The following SHANK2 variants were observed in gnomAD, a reference collection of about 807,000 sequenced individuals.
The protein encoded by SHANK2 is SH3 and multiple ankyrin repeat domains protein 2.
In SHANK2, 43 loss-of-function variants were observed where a neutral mutation model predicts 133.7. That is an observed-to-expected ratio of 0.32 (90% CI 0.25 to 0.41). The LOEUF is 0.41. SHANK2 is among the 10% of genes least tolerant of loss of function. SHANK2 has a pLI of 1.00. For missense variants in SHANK2, 1,994 were observed against 2,235.8 expected (o/e 0.89, Z 2.18); for synonymous variants, 1,017 against 952.8 (o/e 1.07, Z -1.24).
intron 2 of SHANK2, among the ~76,000 whole-genome samples, chr11:71,194,502 G>C (rs782419651): frequency 6.6e-6 from 1 of 152,150 alleles, no homozygotes; most frequent in Non-Finnish European, 1.5e-5. Flanking sequence ...CCACCAAACA[G>C]GATGTTAACA....
At position 70,750,407 on chromosome 11, in the gene SHANK2, C is replaced by T. The variant is rs935921006; in HGVS notation, c.1777+48036G>A. 2.0e-4 allele frequency among the ~76,000 whole-genome samples: 30 copies of T among 152,240 alleles called. 1 individual carries two copies. Among genetic ancestry groups the T allele is most frequent in the Non-Finnish European group, 7.3e-5 (5 of 68,050 alleles). ...TAAAACTCTGGAGGAGGGGATCCTT[C>T]TTTCTGGCCAGAGGAGCTGTGGTCC... On this transcript the variant is annotated intron_variant, in intron 14 of 25. Transcript: ENST00000601538.
At position 71,208,981 on chromosome 11, in the gene SHANK2, C is replaced by A. The variant is rs1020829163; in HGVS notation, c.-13+15716G>T. 3.9e-5 allele frequency among the ~76,000 whole-genome samples: 6 copies of A among 152,172 alleles called. No individual in the cohort carries two copies. The East Asian group carries it at 1.2e-3, about 29-fold the overall frequency. ...AAAAGGCATCTGCAGAAGTAAGATGCACCGTCAGCCACTGTTCCTCACCAG... is the reference window on the plus strand; with the variant it reads ...AAAAGGCATCTGCAGAAGTAAGATGAACCGTCAGCCACTGTTCCTCACCAG... On this transcript the variant is annotated intron_variant, in intron 2 of 25. Coordinates refer to ENST00000601538, the MANE Select transcript of SHANK2 (RefSeq NM_012309.5).
chr11:71,066,099 T>G (rs1384134857), intron 9 of SHANK2, among the ~76,000 whole-genome samples: 249 of 6,098 alleles, frequency 0.041, no homozygotes, highest in Non-Finnish European at 0.044. Context: ...GTGGGGGGGG[T>G]GTGTGCAGAA....
rs986388375 is a variant in SHANK2, at chr11:70,830,397, G to A, written c.1175-9715C>T. Among the ~76,000 whole-genome samples, 1 of 152,154 alleles carries A rather than the reference G, an allele frequency of 6.6e-6. No individual in the cohort carries two copies. The highest frequency in any genetic ancestry group is 1.5e-5 in the Non-Finnish European group (1 of 68,030). On this transcript the variant is annotated intron_variant, in intron 11 of 25. Transcript: ENST00000601538. The surrounding 1 kb of genome is among the most constrained non-coding windows in gnomAD (Gnocchi z 4.4). ...CACACTTGGGGTTATTGCAGGAGAC[G>A]AGCTCACCCCTGAGCCCCAGGTAGA...
intron 10 of SHANK2, among the ~76,000 whole-genome samples, chr11:70,919,376 T>A (rs1950315837): frequency 6.6e-6 from 1 of 151,956 alleles, no homozygotes; most frequent in Non-Finnish European, 1.5e-5. Flanking sequence ...CTACTTCTTT[T>A]TTTTTTTTTA....
intron 11 of SHANK2, among the ~76,000 whole-genome samples, chr11:70,821,415 G>T (rs1236072078): frequency 6.6e-6 from 1 of 152,022 alleles, no homozygotes; most frequent in East Asian, 1.9e-4. Context: ...TAAATATCTG[G>T]TTGTTTTGTT....
At chr11:70,758,606 A>G (rs1946923605) in intron 14 of SHANK2, among the ~76,000 whole-genome samples, 1 of 152,206 alleles carries the variant, frequency 6.6e-6, no homozygotes, top group South Asian at 2.1e-4. Context: ...GTCAAGGAAC[A>G]AGAGGCTTGC....
rs148958312 is a variant in SHANK2 at position 70,620,755 on chromosome 11, G to T, written c.2061+39073C>A. Among the ~76,000 whole-genome samples, 227 of 152,264 alleles carry T rather than the reference G, an allele frequency of 1.5e-3. 1 individual carries two copies. The Middle Eastern group carries it at 0.027, about 18-fold the overall frequency. On this transcript the variant is annotated intron_variant, in intron 17 of 25. Transcript: ENST00000601538. ...AATGGGATTAGTGTCCTTATAAGAA[G>T]AAACTCCAGAGAGCTTGGTGGCACT... is the stretch of plus-strand genomic sequence containing the variant.
Position 70,901,029 on chromosome 11 carries a change from G to A in SHANK2, c.1108-4462C>T, listed in dbSNP as rs542345155. 6.0e-3 allele frequency among the ~76,000 whole-genome samples: 915 copies of A among 152,256 alleles called. 12 individuals are homozygous for A. Among genetic ancestry groups the A allele is most frequent in the African/African-American group, 0.021 (857 of 41,536 alleles). ...CACAGCCGAGGCTCAGGTGCCACACGCTGCTCTGAGTGAGTTCCCAGGAGC... is the reference window on the plus strand; with the variant it reads ...CACAGCCGAGGCTCAGGTGCCACACACTGCTCTGAGTGAGTTCCCAGGAGC... On this transcript the variant is annotated intron_variant, in intron 10 of 25. Transcript: ENST00000601538.
At chr11:70,539,561 A>C (rs2059590722) in intron 17 of SHANK2, among the ~76,000 whole-genome samples, 1 of 152,058 alleles carries the variant, frequency 6.6e-6, no homozygotes, top group Non-Finnish European at 1.5e-5. Flanking sequence ...CATACTCACC[A>C]CGCTCACTCA....
At chr11:70,835,933 G>A (rs1325400579) in intron 11 of SHANK2, among the ~76,000 whole-genome samples, 2 of 152,134 alleles carry the variant, frequency 1.3e-5, no homozygotes, top group African/African-American at 4.8e-5. Flanking sequence ...GGCTGGGGGA[G>A]TGGGCACCCC....
chr11:70,899,490 G>C (rs1167823296), intron 10 of SHANK2, among the ~76,000 whole-genome samples: 1 of 152,190 alleles, frequency 6.6e-6, no homozygotes, highest in Non-Finnish European at 1.5e-5. Flanking sequence ...ACTAAGATGT[G>C]GGGGAAGCCT....
At chr11:71,099,730 C>G (rs943180952) in intron 6 of SHANK2, among the ~76,000 whole-genome samples, 1 of 152,046 alleles carries the variant, frequency 6.6e-6, no homozygotes, top group African/African-American at 2.4e-5. Flanking sequence ...TGCTCCACAC[C>G]GTATGTCATT....
chr11:70,664,590 A>G (rs1591723989), intron 15 of SHANK2, among the ~76,000 whole-genome samples: 1 of 152,228 alleles, frequency 6.6e-6, no homozygotes, highest in Non-Finnish European at 1.5e-5. Flanking sequence ...GGAACCTGTC[A>G]TGCGCTCCAG....
chr11:71,113,081 G>A lies in SHANK2; in HGVS notation c.483+212C>T, dbSNP rs372907801. 3.1e-4 allele frequency among the ~76,000 whole-genome samples: 47 copies of A among 152,202 alleles called. No individual in the cohort carries two copies. The South Asian group carries it at 7.1e-3, about 23-fold the overall frequency. On this transcript the variant is annotated intron_variant, in intron 5 of 25. Transcript: ENST00000601538. ...CTGCCTCCCTTCCCCCAGCACCCAC[G>A]GCCACACTAAGCAGCCCCTGCTGCC...
Position 70,500,007 on chromosome 11 carries a change from A to G in SHANK2, c.2308+563T>C, listed in dbSNP as rs2059027533. ...TGTGCTTGCTGCTGTGAAAGGGGGA[A>G]CCTGAGTCTATCTGGGGCCTGCGGT... On this transcript the variant is annotated intron_variant, in intron 21 of 25. Transcript: ENST00000601538. The surrounding 1 kb of genome is among the most constrained non-coding windows in gnomAD (Gnocchi z 4.5). 6.6e-6 allele frequency among the ~76,000 whole-genome samples: 1 copy of G among 152,110 alleles called. No homozygotes were observed. Among genetic ancestry groups the G allele is most frequent in the African/African-American group, 2.4e-5 (1 of 41,444 alleles).
chr11:70,705,411 A>G (rs1180394405), intron 14 of SHANK2: 1 of 152,216 alleles, frequency 6.6e-6, no homozygotes, highest in Non-Finnish European at 1.5e-5. Context: ...CCTAGCAAGT[A>G]TAGGAGGGAA....
intron 15 of SHANK2, among the ~76,000 whole-genome samples, chr11:70,697,338 T>C (rs1374183224): frequency 6.6e-6 from 1 of 152,232 alleles, no homozygotes; most frequent in African/African-American, 2.4e-5. Flanking sequence ...TACTGGTATG[T>C]GCCACCATGT....
At chr11:70,934,543 G>C (rs1950545853) in intron 10 of SHANK2, among the ~76,000 whole-genome samples, 1 of 152,166 alleles carries the variant, frequency 6.6e-6, no homozygotes, top group African/African-American at 2.4e-5. Flanking sequence ...CCCCAGGAAG[G>C]CCACTGGGTC....
Sources: gnomAD v4.1 joint callset for allele counts (sites outside exome capture counted in the v4.1 genomes callset) on GRCh38, gnomAD v4.1.1 for gene constraint, Gnocchi (gnomAD v3.1) non-coding constraint, MANE v1.5 for transcripts, NCBI Gene and HGNC (gene_info 2026-07-23, HGNC 2026-07-21) for gene names.